The following EPB41L3 variants were observed in gnomAD, a reference collection of about 807,000 sequenced individuals.
EPB41L3 encodes the protein band 4.1-like protein 3.
A neutral mutation model predicts 127.1 loss-of-function variants in EPB41L3; 57 were observed. The observed-to-expected ratio is 0.45, with a 90% CI of 0.36 to 0.56. The LOEUF (loss-of-function observed/expected upper bound fraction) is 0.56. Ranked by LOEUF, EPB41L3 falls within the 20% of genes least tolerant of loss-of-function variation. The probability of loss-of-function intolerance (pLI) is 0.00; values close to 1 mark genes in which losing one functional copy is unlikely to be tolerated. For missense variants in EPB41L3, 1,273 were observed against 1,372.2 expected (o/e 0.93, Z 1.14); for synonymous variants, 572 against 549.5 (o/e 1.04, Z -0.57).
rs758321771 is a variant in EPB41L3, at chr18:5,395,677, C to T, written c.3004G>A (p.Val1002Met). ...VDPGTDLEPG[V>M]LMSAQTITSE... ...GTGATCGTCTGTGCACTCATCAGCA[C>T]GCCTGGCTCCAGATCTGTGCCTGGA... The change falls in exon 20 of 23, where the codon GTG (valine) becomes ATG (methionine). Residue 1002 changes from valine (V) to methionine (M), a missense_variant. Coordinates refer to ENST00000341928, the MANE Select transcript of EPB41L3 (RefSeq NM_012307.5). The T allele has an allele frequency of 1.9e-5, 30 of 1,614,088 alleles. No individual in the cohort carries two copies. The highest frequency in any genetic ancestry group is 3.3e-5 in the Admixed American group (2 of 60,002).
chr18:5,519,896 A>C (rs2092917008), intron 1 of EPB41L3, among the ~76,000 whole-genome samples: 1 of 152,220 alleles, frequency 6.6e-6, no homozygotes, highest in Non-Finnish European at 1.5e-5. Flanking sequence ...GAATATCCTT[A>C]TCTGCACAGC....
chr18:5,575,653 A>G (rs1036508842), intron 3 of EPB41L3, among the ~76,000 whole-genome samples: 1 of 152,162 alleles, frequency 6.6e-6, no homozygotes, highest in Non-Finnish European at 1.5e-5. Flanking sequence ...CCTGGCCAAC[A>G]TGGTGAAACC....
intron 1 of EPB41L3, among the ~76,000 whole-genome samples, chr18:5,494,230 T>C (rs543238483): frequency 8.3e-4 from 126 of 152,226 alleles, no homozygotes; most frequent in African/African-American, 3.0e-3. Flanking sequence ...TTGACTCCTG[T>C]CCTCCCCATT....
chr18:5,557,453 G>C lies in EPB41L3; in HGVS notation c.-306+54887C>G, dbSNP rs568824382. 1.0e-3 allele frequency among the ~76,000 whole-genome samples: 157 copies of C among 152,014 alleles called. 1 individual carries two copies. Among genetic ancestry groups the C allele is most frequent in the Non-Finnish European group, 1.6e-3 (110 of 67,998 alleles). On this transcript the variant is annotated intron_variant, in intron 3 of 21. Coordinates refer to the EPB41L3 transcript ENST00000545076. ...GACTGGAGTGCAGTGGCACAATCTC[G>C]GCCCACCCCAACCCTCCGCCTCCCA...
chr18:5,407,629 T>C, intron 15 of EPB41L3, 72 bp downstream of exon 15: 2 of 1,505,822 alleles, frequency 1.3e-6, no homozygotes, highest in South Asian at 1.1e-5. Flanking sequence ...CTGAACGCTG[T>C]AGACAAACAA....
chr18:5,453,650 C>T (rs1026125922), intron 3 of EPB41L3, among the ~76,000 whole-genome samples: 1 of 152,166 alleles, frequency 6.6e-6, no homozygotes, highest in African/African-American at 2.4e-5. Flanking sequence ...CTCTCCATCA[C>T]CTATCTTCCT....
Position 5,397,359 on chromosome 18 carries a change from C to A in EPB41L3, c.2540G>T (p.Ser847Ile). ...GGTCTCCTGCACCACCTTCTCAGTGCTAAGCGGCAGGTGGTGCACGGTGGG... is the reference window on the plus strand; with the variant it reads ...GGTCTCCTGCACCACCTTCTCAGTGATAAGCGGCAGGTGGTGCACGGTGGG... ...TEPTVHHLPL[S>I]TEKVVQETVL... The change falls in exon 18 of 23, where the codon AGC becomes ATC. Residue 847 changes from serine to isoleucine, a missense_variant. Coordinates refer to ENST00000341928, the MANE Select transcript of EPB41L3 (RefSeq NM_012307.5). The surrounding 1 kb of genome is among the most constrained non-coding windows in gnomAD (Gnocchi z 4.1). 6.2e-7 allele frequency: 1 copy of A among 1,614,024 alleles called. No individual in the cohort carries two copies. Among genetic ancestry groups the A allele is most frequent in the Non-Finnish European group, 8.5e-7 (1 of 1,180,042 alleles).
chr18:5,437,287 T>C (rs993054154), intron 6 of EPB41L3, among the ~76,000 whole-genome samples: 5 of 152,148 alleles, frequency 3.3e-5, no homozygotes, highest in Non-Finnish European at 7.4e-5. Context: ...CCCTCACCCT[T>C]TCACCACATG....
intron 1 of EPB41L3, 67 bp from the exon 2 acceptor site, chr18:5,489,261 G>A (rs2090304640): frequency 2.6e-6 from 4 of 1,523,886 alleles, no homozygotes; most frequent in Non-Finnish European, 3.5e-6. Flanking sequence ...AAGAAAACTA[G>A]GATGCTCACC....
At chr18:5,462,992 C>T (rs1406238552) in intron 3 of EPB41L3, among the ~76,000 whole-genome samples, 1 of 152,190 alleles carries the variant, frequency 6.6e-6, no homozygotes, top group South Asian at 2.1e-4. Flanking sequence ...ACTTAGTCCA[C>T]AAATCTCGAA....
At chr18:5,515,444 G>A (rs953353028) in intron 1 of EPB41L3, among the ~76,000 whole-genome samples, 2 of 152,186 alleles carry the variant, frequency 1.3e-5, no homozygotes, top group Non-Finnish European at 2.9e-5. Flanking sequence ...GAAAGGAATT[G>A]AGTCTAAGCA....
At chr18:5,432,654 A>G (rs540971825) in intron 8 of EPB41L3, among the ~76,000 whole-genome samples, 1 of 152,312 alleles carries the variant, frequency 6.6e-6, no homozygotes, top group East Asian at 1.9e-4. Context: ...ACCACTACTG[A>G]AAAGTACGAA....
intron 5 of EPB41L3, among the ~76,000 whole-genome samples, chr18:5,440,505 T>C (rs1036712267): frequency 5.3e-5 from 8 of 152,154 alleles, no homozygotes; most frequent in African/African-American, 1.7e-4. Context: ...TTTGCAACTC[T>C]ACATCTGCTC....
chr18:5,503,328 A>G (rs2091898964), intron 1 of EPB41L3, among the ~76,000 whole-genome samples: 1 of 152,166 alleles, frequency 6.6e-6, no homozygotes, highest in Admixed American at 6.5e-5. Context: ...TGAAGAATTA[A>G]GGTCTGCAGA....
chr18:5,579,400 T>C (rs2094369122), intron 3 of EPB41L3, among the ~76,000 whole-genome samples: 1 of 152,220 alleles, frequency 6.6e-6, no homozygotes, highest in Non-Finnish European at 1.5e-5. Flanking sequence ...AGATGTCTAA[T>C]AGATAAGTAA....
At chr18:5,398,896 G>T in intron 16 of EPB41L3, 1 of 399,106 alleles carries the variant, frequency 2.5e-6, no homozygotes, top group Non-Finnish European at 4.4e-6. Flanking sequence ...GGACTCTGCC[G>T]GCGAGACTCG....
chr18:5,546,318 G>A (rs1245111907), upstream of EPB41L3, among the ~76,000 whole-genome samples: 2 of 152,152 alleles, frequency 1.3e-5, no homozygotes, highest in African/African-American at 2.4e-5. Flanking sequence ...GGATCACGAG[G>A]TCAGGAGTTC....
At chr18:5,477,960 A>C (rs187777827) in intron 3 of EPB41L3, among the ~76,000 whole-genome samples, 211 of 152,344 alleles carry the variant, frequency 1.4e-3, no homozygotes, top group Non-Finnish European at 2.1e-3. Flanking sequence ...TCTATTTTTA[A>C]AGCTTTCAAA....
chr18:5,604,099 T>G (rs1171980869), intron 3 of EPB41L3, among the ~76,000 whole-genome samples: 1 of 152,086 alleles, frequency 6.6e-6, no homozygotes, highest in Non-Finnish European at 1.5e-5. Flanking sequence ...ACATGTAACT[T>G]CCACTCAGCC....
Sources: allele counts gnomAD v4.1 joint callset (sites outside exome capture counted in the v4.1 genomes callset), GRCh38; gene constraint gnomAD v4.1.1; non-coding constraint Gnocchi (gnomAD v3.1); transcripts MANE v1.5; gene names NCBI Gene and HGNC (gene_info 2026-07-23, HGNC 2026-07-21).